The following CNTLN variants were observed in gnomAD, a reference collection of about 807,000 sequenced individuals.
The protein encoded by CNTLN is centlein, centrosomal protein.
CNTLN carries 212 observed loss-of-function variants against 180.0 expected under a neutral mutation model. The observed-to-expected ratio is 1.18, with a 90% CI of 1.05 to 1.32. The LOEUF is 1.32. Among genes scored for constraint, CNTLN ranks in the 40% most tolerant of loss-of-function variants. The pLI, the probability that CNTLN is intolerant of heterozygous loss-of-function variation, is 0.00. For synonymous variants in CNTLN, 722 were observed against 563.1 expected, an observed-to-expected ratio of 1.28 and a Z score of -3.99; for missense variants, 2,095 against 1,610.9, an observed-to-expected ratio of 1.30 and a Z score of -5.14.
At chr9:17,259,774 T>C (rs1260368813) in intron 5 of CNTLN, among the ~76,000 whole-genome samples, 4 of 149,008 alleles carry the variant, frequency 2.7e-5, no homozygotes, top group Admixed American at 6.6e-5. Flanking sequence ...GAGGTGTTTG[T>C]AGTATTCTCT....
At chr9:17,390,235 C>CTTTTTTTTTTTTTTTTTTTTTTTT (rs35329298) in intron 14 of CNTLN, among the ~76,000 whole-genome samples, 1 of 77,396 alleles carries the variant, frequency 1.3e-5, no homozygotes, top group Non-Finnish European at 2.3e-5. Context: ...AAAAGAGCCT[C>CTTTTTTTTTTTTTTTTTTTTTTTT]TTTTTTTTTT....
chr9:17,298,381 A>G lies in CNTLN; in HGVS notation c.1146+29A>G, dbSNP rs751479984. 6.4e-6 allele frequency: 10 copies of G among 1,565,614 alleles called. No homozygotes were observed. The South Asian group carries it at 1.2e-4, about 19-fold the overall frequency. ...TGCTTTTATTCTGTAATAAAGATGT[A>G]AATGTTTATGTATGAACTTATGAAC... On this transcript the variant is annotated intron_variant, in intron 7 of 25. Transcript: ENST00000380647.
chr9:17,158,938 A>G (rs1429470332), intron 2 of CNTLN, among the ~76,000 whole-genome samples: 1 of 151,308 alleles, frequency 6.6e-6, no homozygotes, highest in African/African-American at 2.4e-5. Flanking sequence ...ATTTTTATTG[A>G]CTTGAGACTT....
At chr9:17,484,538 A>AT (rs1832807274) in intron 24 of CNTLN, 58 bp downstream of exon 24, 3 of 1,359,076 alleles carry the variant, frequency 2.2e-6, no homozygotes, top group African/African-American at 3.0e-5. Flanking sequence ...ACTTAAGTAG[A>AT]TATTTTTATT....
chr9:17,368,199 T>C (rs1316382621), intron 13 of CNTLN, among the ~76,000 whole-genome samples: 6 of 152,216 alleles, frequency 3.9e-5, no homozygotes, highest in African/African-American at 1.4e-4. Flanking sequence ...ACATTGACAG[T>C]GGCCTGGTAG....
At chr9:17,157,504 A>G (rs757785037) in intron 2 of CNTLN, among the ~76,000 whole-genome samples, 57 of 152,324 alleles carry the variant, frequency 3.7e-4, no homozygotes, top group African/African-American at 1.1e-3. Flanking sequence ...TTAATTATCA[A>G]TTTGACTGGG....
chr9:17,282,256 G>A (rs1828712440), intron 6 of CNTLN, among the ~76,000 whole-genome samples: 1 of 151,984 alleles, frequency 6.6e-6, no homozygotes, highest in Admixed American at 6.6e-5. Context: ...CACCGTGCCT[G>A]GCTGACTTCT....
intron 2 of CNTLN, among the ~76,000 whole-genome samples, chr9:17,200,882 G>A (rs1822476014): frequency 6.6e-6 from 1 of 152,188 alleles, no homozygotes; most frequent in Non-Finnish European, 1.5e-5. Context: ...AATTGGAGTG[G>A]TGAGAGAAGG....
At chr9:17,171,702 G>A (rs1240044830) in intron 2 of CNTLN, among the ~76,000 whole-genome samples, 3 of 152,080 alleles carry the variant, frequency 2.0e-5, no homozygotes, top group African/African-American at 7.2e-5. Flanking sequence ...AGGGTCTGGG[G>A]TAGCAGTGGT....
chr9:17,458,207 G>A (rs183844568), intron 19 of CNTLN, among the ~76,000 whole-genome samples: 1 of 148,172 alleles, frequency 6.7e-6, no homozygotes, highest in African/African-American at 2.5e-5. Flanking sequence ...TAGAGAAAAA[G>A]CAATGAGAGG....
the CNTLN span, among the ~76,000 whole-genome samples, chr9:17,525,908 C>A: frequency 6.6e-6 from 1 of 152,046 alleles, no homozygotes; most frequent in Non-Finnish European, 1.5e-5. Flanking sequence ...TGTCTTTGGA[C>A]ATTTTTATTT....
chr9:17,234,020 G>A (rs1314121639), intron 3 of CNTLN, among the ~76,000 whole-genome samples: 1 of 152,002 alleles, frequency 6.6e-6, no homozygotes, highest in Non-Finnish European at 1.5e-5. Context: ...TGTTGGTTAC[G>A]TACAGGACCT....
chr9:17,508,780 A>G (rs1404547874), downstream of CNTLN, among the ~76,000 whole-genome samples: 1 of 152,232 alleles, frequency 6.6e-6, no homozygotes, highest in East Asian at 1.9e-4. Context: ...GCATCTCATT[A>G]TATGGACATA....
At chr9:17,311,536 G>A (rs561239174) in intron 8 of CNTLN, among the ~76,000 whole-genome samples, 3 of 150,800 alleles carry the variant, frequency 2.0e-5, no homozygotes, top group Non-Finnish European at 4.4e-5. Context: ...ACGGCTGGGT[G>A]CGGTGGCTCA....
chr9:17,250,428 C>T (rs1826068147), intron 5 of CNTLN, among the ~76,000 whole-genome samples: 1 of 151,914 alleles, frequency 6.6e-6, no homozygotes, highest in African/African-American at 2.4e-5. Context: ...TTTTATGTCT[C>T]TCATTTCCTC....
At chr9:17,292,502 C>T (rs1033687048) in intron 6 of CNTLN, among the ~76,000 whole-genome samples, 2 of 151,998 alleles carry the variant, frequency 1.3e-5, no homozygotes, top group Non-Finnish European at 2.9e-5. Flanking sequence ...TGTTTCTTTT[C>T]ATTCTTTTTT....
At chr9:17,404,493 G>A (rs1011804259) in intron 15 of CNTLN, among the ~76,000 whole-genome samples, 1 of 151,598 alleles carries the variant, frequency 6.6e-6, no homozygotes, top group African/African-American at 2.4e-5. Context: ...GGCCATTTTG[G>A]ATTCCCTATA....
At chr9:17,475,452 G>A (rs982075187) in intron 23 of CNTLN, among the ~76,000 whole-genome samples, 1 of 141,086 alleles carries the variant, frequency 7.1e-6, no homozygotes, top group South Asian at 2.3e-4. Context: ...GAATATGATG[G>A]AAAAAAGAAA....
chr9:17,219,301 A>G (rs1221622574), intron 2 of CNTLN, among the ~76,000 whole-genome samples: 2 of 151,046 alleles, frequency 1.3e-5, no homozygotes, highest in Admixed American at 6.6e-5. Flanking sequence ...TACATGTATT[A>G]ATTGAATTGA....
Sources: allele counts gnomAD v4.1 joint callset (sites outside exome capture counted in the v4.1 genomes callset), GRCh38; gene constraint gnomAD v4.1.1; transcripts MANE v1.5; gene names NCBI Gene and HGNC (gene_info 2026-07-23, HGNC 2026-07-21).